Variants in HPSE2 observed in about 807,000 individuals in gnomAD.
HPSE2 encodes inactive heparanase-2.
Under a neutral mutation model 60.5 loss-of-function variants are expected in HPSE2, and 38 were observed. The observed-to-expected ratio is 0.63, with a 90% confidence interval of 0.48 to 0.82. The LOEUF (loss-of-function observed/expected upper bound fraction) is 0.82. Among genes scored for constraint, HPSE2 ranks in the 40% least tolerant of loss-of-function variants. HPSE2 has a pLI of 0.00. For synonymous variants in HPSE2, 295 were observed against 293.2 expected (o/e 1.01, Z -0.06); for missense variants, 713 against 740.4 (o/e 0.96, Z 0.43).
At chr10:98,813,430 T>C (rs553145285) in intron 3 of HPSE2, among the ~76,000 whole-genome samples, 2 of 152,164 alleles carry the variant, frequency 1.3e-5, no homozygotes, top group African/African-American at 2.4e-5. Context: ...GAAGCTTCAA[T>C]TCATAGTCTC....
chr10:98,699,107 T>C (rs1344715988), intron 5 of HPSE2, among the ~76,000 whole-genome samples: 10 of 150,102 alleles, frequency 6.7e-5, no homozygotes, highest in African/African-American at 9.8e-5. Flanking sequence ...TTCCAATCAA[T>C]AGAAAAAGAG....
At chr10:98,855,224 G>T (rs1159722941) in intron 3 of HPSE2, among the ~76,000 whole-genome samples, 1 of 152,212 alleles carries the variant, frequency 6.6e-6, no homozygotes, top group Non-Finnish European at 1.5e-5. Flanking sequence ...TAGTATGAGT[G>T]TATAGAACAC....
chr10:98,681,354 T>A (rs946862159), intron 6 of HPSE2, among the ~76,000 whole-genome samples: 1 of 152,152 alleles, frequency 6.6e-6, no homozygotes, highest in African/African-American at 2.4e-5. Context: ...TAAAAAAATA[T>A]TTTATAATGA....
chr10:99,109,275 T>C (rs1362168808), intron 3 of HPSE2, among the ~76,000 whole-genome samples: 1 of 152,148 alleles, frequency 6.6e-6, no homozygotes, highest in Admixed American at 6.5e-5. Flanking sequence ...TGTGTGACCT[T>C]GAAAAAACAG....
At chr10:99,273,614 G>T in the HPSE2 span, among the ~76,000 whole-genome samples, 2 of 152,146 alleles carry the variant, frequency 1.3e-5, 1 homozygote, top group Admixed American at 1.3e-4. Flanking sequence ...AACCCCTAAA[G>T]ATATGAGACT....
At chr10:99,010,337 T>C (rs1214106654) in intron 3 of HPSE2, among the ~76,000 whole-genome samples, 1 of 152,214 alleles carries the variant, frequency 6.6e-6, no homozygotes, top group Non-Finnish European at 1.5e-5. Context: ...TTGAGAATCT[T>C]CACCTTTGCC....
At chr10:98,995,218 G>A (rs891370399) in intron 3 of HPSE2, among the ~76,000 whole-genome samples, 1 of 152,062 alleles carries the variant, frequency 6.6e-6, no homozygotes, top group Non-Finnish European at 1.5e-5. Context: ...CATGGAGAAG[G>A]TACATATTAC....
chr10:98,771,647 G>A (rs1474318493), intron 3 of HPSE2, among the ~76,000 whole-genome samples: 1 of 152,286 alleles, frequency 6.6e-6, no homozygotes, highest in Non-Finnish European at 1.5e-5. Context: ...CCTAGGATTG[G>A]ATTTTGAAAG....
At chr10:98,669,681 T>C (rs1197071780) in intron 6 of HPSE2, among the ~76,000 whole-genome samples, 3 of 152,148 alleles carry the variant, frequency 2.0e-5, no homozygotes. Flanking sequence ...AAACTTTGAA[T>C]ACACATGGAC....
chr10:98,560,190 A>G (rs1405058516), intron 9 of HPSE2, among the ~76,000 whole-genome samples: 1 of 152,176 alleles, frequency 6.6e-6, no homozygotes, highest in East Asian at 1.9e-4. Flanking sequence ...AGCTCAACCT[A>G]TCATTACTGC....
At chr10:99,166,399 G>A (rs1847083436) in intron 2 of HPSE2, among the ~76,000 whole-genome samples, 2 of 152,104 alleles carry the variant, frequency 1.3e-5, no homozygotes, top group Non-Finnish European at 2.9e-5. Flanking sequence ...TTCCAGAATG[G>A]CTGTATTATT....
intron 9 of HPSE2, among the ~76,000 whole-genome samples, chr10:98,595,880 AT>A (rs1945222143): frequency 6.6e-6 from 1 of 152,196 alleles, no homozygotes; most frequent in Non-Finnish European, 1.5e-5. Context: ...CATTCTTTGT[AT>A]ACCTAATTGT....
rs4551691 is a variant in HPSE2 at position 99,055,447 on chromosome 10, T to C, written c.610+88791A>G. ...TTGAAGAAGAGAGGGAAGAAATTAT[T>C]GGAAAATATAAAAGCCTCACGGATA... On this transcript the variant is annotated intron_variant, in intron 3 of 11. Transcript: ENST00000370552. Among the ~76,000 whole-genome samples the C allele has an allele frequency of 7.2e-3, 1,103 of 152,180 alleles. 32 individuals carry two copies. In the East Asian group the frequency reaches 0.11, roughly 15 times the overall value.
rs1591260518 is a variant in HPSE2 at position 98,490,099 on chromosome 10, A to G, written c.1418T>C (p.Val473Ala). 6.2e-7 allele frequency: 1 copy of G among 1,614,054 alleles called. No homozygotes were observed. Among genetic ancestry groups the G allele is most frequent in the Non-Finnish European group, 8.5e-7 (1 of 1,180,044 alleles). Residue 473 changes from valine (V) to alanine (A), a missense_variant, in exon 10 of 12, where the codon GTG becomes GCG. Coordinates refer to ENST00000370552, the MANE Select transcript of HPSE2 (RefSeq NM_021828.5). ...GLQRKPRPGRVIRDKLRIYAH... is the reference protein window; with the variant it reads ...GLQRKPRPGRAIRDKLRIYAH... The stretch of plus-strand genomic sequence containing the variant: ...ATAAATCCTTAGTTTGTCCCGGATC[A>G]CTCGGCCAGGCCGTGGCTTCCGCTG...
intron 3 of HPSE2, among the ~76,000 whole-genome samples, chr10:98,976,013 G>C (rs1337009135): frequency 6.6e-6 from 1 of 152,116 alleles, no homozygotes; most frequent in African/African-American, 2.4e-5. Flanking sequence ...ACCAAGGTTT[G>C]TCCATTTTTC....
intron 3 of HPSE2, among the ~76,000 whole-genome samples, chr10:98,991,297 G>A (rs1017856762): frequency 6.6e-6 from 1 of 152,116 alleles, no homozygotes; most frequent in Non-Finnish European, 1.5e-5. Flanking sequence ...TATTTAGACG[G>A]CCAGGAAAAA....
intron 2 of HPSE2, among the ~76,000 whole-genome samples, chr10:99,227,707 T>A (rs1849515530): frequency 1.3e-5 from 2 of 151,608 alleles, no homozygotes; most frequent in Non-Finnish European, 2.9e-5. Flanking sequence ...GCTGAAGATC[T>A]ACCATGTGTC....
chr10:98,952,930 G>C (rs1474529189), intron 3 of HPSE2, among the ~76,000 whole-genome samples: 1 of 152,070 alleles, frequency 6.6e-6, no homozygotes, highest in Admixed American at 6.6e-5. Context: ...TTGGGAGTTA[G>C]GGCTTCAATA....
intron 3 of HPSE2, among the ~76,000 whole-genome samples, chr10:99,004,296 C>CTTGTT (rs151201621): frequency 1.5e-4 from 23 of 151,522 alleles, no homozygotes; most frequent in East Asian, 1.2e-3. Flanking sequence ...TTATTGTTTT[C>CTTGTT]TTGTTTTGTT....
Sources: gnomAD v4.1 joint callset for allele counts (sites outside exome capture counted in the v4.1 genomes callset) on GRCh38, gnomAD v4.1.1 for gene constraint, MANE v1.5 for transcripts, NCBI Gene and HGNC (gene_info 2026-07-23, HGNC 2026-07-21) for gene names.